CFAP251: variants seen among roughly 807,000 people sequenced by gnomAD.
The protein encoded by CFAP251 is cilia and flagella associated protein 251.
Under a neutral mutation model 126.7 loss-of-function variants are expected in CFAP251, and 93 were observed. The ratio of observed to expected loss-of-function variants is 0.73; its 90% CI spans 0.62 to 0.87. The LOEUF (loss-of-function observed/expected upper bound fraction) is 0.87, where lower values mean the gene tolerates loss of function less well. CFAP251 is among the 40% of genes least tolerant of loss of function. CFAP251 has a pLI of 0.00. For synonymous variants in CFAP251, 503 were observed against 506.9 expected (o/e 0.99, Z 0.10); for missense variants, 1,287 against 1,389.2 (o/e 0.93, Z 1.17).
chr12:121,940,704 A>G (rs1881076659), intron 5 of CFAP251, among the ~76,000 whole-genome samples: 2 of 152,084 alleles, frequency 1.3e-5, no homozygotes, highest in African/African-American at 4.8e-5. Flanking sequence ...AGATACTTGC[A>G]TGTCATCTAA....
At chr12:121,969,735 C>A in intron 17 of CFAP251, 3 of 981,380 alleles carry the variant, frequency 3.1e-6, no homozygotes, top group Non-Finnish European at 3.6e-6. Flanking sequence ...CCTTGGGCAC[C>A]TAAAGTGTTG....
chr12:121,986,932 C>T (rs1375006791), intron 19 of CFAP251, among the ~76,000 whole-genome samples: 2 of 152,122 alleles, frequency 1.3e-5, no homozygotes, highest in Non-Finnish European at 2.9e-5. Flanking sequence ...AAACATGCAG[C>T]TTGTGTTGCT....
At chr12:121,988,084 G>A (rs182676952) in intron 19 of CFAP251, among the ~76,000 whole-genome samples, 486 of 151,596 alleles carry the variant, frequency 3.2e-3, no homozygotes, top group African/African-American at 0.011. Context: ...GATGGTGGAA[G>A]ATATATTTTA....
At chr12:121,934,907 A>G (rs1349129758) in intron 5 of CFAP251, among the ~76,000 whole-genome samples, 1 of 152,172 alleles carries the variant, frequency 6.6e-6, no homozygotes, top group African/African-American at 2.4e-5. Context: ...CCCAGGATCA[A>G]GAGATTCTCC....
In CFAP251 at chr12:121,984,409, C is replaced by T. The variant is rs577873360; in HGVS notation, c.3006+8724C>T. Among the ~76,000 whole-genome samples, 15 of 152,180 alleles carry T rather than the reference C, an allele frequency of 9.9e-5. No individual in the cohort carries two copies. The South Asian group carries it at 3.1e-3, about 32-fold the overall frequency. ...GCAACCTCTGCCTCCCAGGTTCAAG[C>T]GATTCTCCTGCCTCAGCCTCCCGAG... is the stretch of plus-strand genomic sequence containing the variant. On this transcript the variant is annotated intron_variant, in intron 19 of 21. Coordinates refer to ENST00000288912, the MANE Select transcript of CFAP251 (RefSeq NM_144668.6).
At chr12:121,969,719 C>T in intron 17 of CFAP251, 1 of 970,194 alleles carries the variant, frequency 1.0e-6, no homozygotes. Context: ...AACTCATGGG[C>T]TCAAGCCTTG....
At chr12:121,952,240 TAA>T (rs558861973) in intron 9 of CFAP251, among the ~76,000 whole-genome samples, 5 of 92,094 alleles carry the variant, frequency 5.4e-5, no homozygotes, top group African/African-American at 1.8e-4. Flanking sequence ...TCGTTTCTAC[TAA>T]AAAAAAAAAA....
intron 17 of CFAP251, chr12:121,971,943 C>G: frequency 3.7e-6 from 1 of 271,632 alleles, no homozygotes; most frequent in Non-Finnish European, 7.2e-6. Context: ...TAAGGGGAAA[C>G]CTGTTTCACT....
At chr12:121,922,300 G>T (rs988754444) in intron 2 of CFAP251, among the ~76,000 whole-genome samples, 1 of 151,490 alleles carries the variant, frequency 6.6e-6, no homozygotes, top group Non-Finnish European at 1.5e-5. Flanking sequence ...GTAGAGGCAG[G>T]CTGTCACTTA....
At chr12:121,921,785 T>C (rs1002775222) in intron 2 of CFAP251, 102 bp downstream of exon 2, 55 of 1,011,546 alleles carry the variant, frequency 5.4e-5, no homozygotes, top group African/African-American at 1.2e-4. Context: ...TAAGGTACAA[T>C]CCATTCCTTT....
chr12:121,998,893 A>C (rs1230469814), intron 19 of CFAP251: 1 of 146,270 alleles, frequency 6.8e-6, no homozygotes, highest in Non-Finnish European at 1.5e-5. Flanking sequence ...CTGTATCAAA[A>C]AAAAAAAAAA....
At chr12:121,980,628 A>G (rs1197684827) in intron 19 of CFAP251, among the ~76,000 whole-genome samples, 2 of 152,070 alleles carry the variant, frequency 1.3e-5, no homozygotes, top group African/African-American at 2.4e-5. Flanking sequence ...GATTCTAGGC[A>G]TGAGCCACCG....
chr12:121,942,484 G>A (rs1292485010), intron 5 of CFAP251, 50 bp from the exon 6 acceptor site: 5 of 1,393,854 alleles, frequency 3.6e-6, no homozygotes, highest in Non-Finnish European at 1.0e-6. Context: ...GACTCTCTGG[G>A]AAGCCAGGGA....
chr12:121,991,684 G>A (rs540275622), intron 19 of CFAP251, among the ~76,000 whole-genome samples: 2 of 152,156 alleles, frequency 1.3e-5, no homozygotes, highest in South Asian at 4.2e-4. Flanking sequence ...CAAAAATTTG[G>A]TCCCCAGACC....
chr12:121,961,257 T>C (rs960360267), intron 14 of CFAP251, among the ~76,000 whole-genome samples: 1 of 149,512 alleles, frequency 6.7e-6, no homozygotes, highest in African/African-American at 2.5e-5. Flanking sequence ...CTCCCTCCTT[T>C]CTTCTCCCCC....
intron 8 of CFAP251, chr12:121,949,832 T>G (rs1881457953): frequency 6.6e-6 from 1 of 152,268 alleles, no homozygotes. Context: ...GAGACTGCAA[T>G]GAGCTGTGAT....
chr12:121,930,592 T>TA (rs1880644062), intron 3 of CFAP251, among the ~76,000 whole-genome samples: 1 of 152,242 alleles, frequency 6.6e-6, no homozygotes, highest in African/African-American at 2.4e-5. Context: ...ATTGTACTTA[T>TA]AATTTTTCAT....
At chr12:121,987,741 G>A (rs937049275) in intron 19 of CFAP251, among the ~76,000 whole-genome samples, 1 of 151,458 alleles carries the variant, frequency 6.6e-6, no homozygotes, top group African/African-American at 2.4e-5. Flanking sequence ...AAAGAATACA[G>A]GTAATAGTAA....
At chr12:121,968,234 GAC>G (rs1882217099) in intron 17 of CFAP251, 65 bp downstream of exon 17, 10 of 1,491,224 alleles carry the variant, frequency 6.7e-6, no homozygotes, top group Non-Finnish European at 9.1e-7. Context: ...AACAGTGATA[GAC>G]ACTGAACCCT....
Sources: allele counts gnomAD v4.1 joint callset (sites outside exome capture counted in the v4.1 genomes callset), GRCh38; gene constraint gnomAD v4.1.1; transcripts MANE v1.5; gene names NCBI Gene and HGNC (gene_info 2026-07-23, HGNC 2026-07-21).